Variants in CTNNA2 observed in about 807,000 individuals in gnomAD.
The protein encoded by CTNNA2 is catenin alpha 2, also known as catenin alpha-2.
In CTNNA2, 42 loss-of-function variants were observed where a neutral mutation model predicts 101.0. The ratio of observed to expected loss-of-function variants is 0.42; its 90% CI spans 0.32 to 0.54. CTNNA2 has a LOEUF of 0.54. Among genes scored for constraint, CTNNA2 ranks in the 20% least tolerant of loss-of-function variants. CTNNA2 has a pLI of 0.14. For synonymous variants in CTNNA2, 450 were observed against 456.4 expected (o/e 0.99, Z 0.18); for missense variants, 871 against 1,223.1 (o/e 0.71, Z 4.29).
intron 2 of CTNNA2, among the ~76,000 whole-genome samples, chr2:79,307,990 A>G (rs747031349): frequency 1.2e-4 from 18 of 151,886 alleles, no homozygotes; most frequent in Non-Finnish European, 2.4e-4. Flanking sequence ...TTTTTGATAT[A>G]TTTATTGGCC....
At chr2:79,908,036 G>A (rs907027572) in intron 6 of CTNNA2, among the ~76,000 whole-genome samples, 3 of 152,076 alleles carry the variant, frequency 2.0e-5, no homozygotes, top group African/African-American at 7.2e-5. Flanking sequence ...AAACACCCTA[G>A]GATGCTTTGG....
At chr2:79,787,430 G>A (rs1049865651) in intron 3 of CTNNA2, among the ~76,000 whole-genome samples, 1 of 151,992 alleles carries the variant, frequency 6.6e-6, no homozygotes, top group Non-Finnish European at 1.5e-5. Context: ...AGGGTTGTTT[G>A]TGTTGTTCAT....
At chr2:80,519,314 C>T (rs935518732) in intron 9 of CTNNA2, among the ~76,000 whole-genome samples, 2 of 152,098 alleles carry the variant, frequency 1.3e-5, no homozygotes, top group African/African-American at 4.8e-5. Context: ...AACAATAAAA[C>T]ACAGAAACGC....
intron 7 of CTNNA2, among the ~76,000 whole-genome samples, chr2:80,229,891 G>C (rs1299884805): frequency 1.3e-5 from 2 of 152,040 alleles, no homozygotes; most frequent in Non-Finnish European, 2.9e-5. Context: ...GCGCTTTAGG[G>C]GTTCTCTATA....
chr2:80,390,109 C>T (rs1677370796), intron 7 of CTNNA2, among the ~76,000 whole-genome samples: 1 of 152,182 alleles, frequency 6.6e-6, no homozygotes, highest in South Asian at 2.1e-4. Flanking sequence ...CCAGAACCAC[C>T]TTGCCTTCTT....
At position 80,589,217 on chromosome 2, in the gene CTNNA2, G is replaced by C. The variant is rs566983764; in HGVS notation, c.2008-87G>C. The C allele has an allele frequency of 1.0e-5, 14 of 1,344,938 alleles. No homozygotes were observed. In the East Asian group the frequency reaches 2.8e-4, roughly 27 times the overall value. 83.3% of individuals were successfully genotyped at this position (1,344,938 alleles called of 1,614,324 possible). On this transcript the variant is annotated intron_variant, in intron 14 of 18. Transcript: ENST00000402739. ...AGCTCATAAGCCTTTGCAGGGTCTG[G>C]CTCTGCCATCCGCAGAAGGCAGAGT...
chr2:79,529,327 A>G (rs1573255564), intron 1 of CTNNA2, among the ~76,000 whole-genome samples: 1 of 152,172 alleles, frequency 6.6e-6, no homozygotes, highest in South Asian at 2.1e-4. Flanking sequence ...ACGTTATCAC[A>G]TGTCTTCTTG....
chr2:79,965,050 A>T (rs1240086694), intron 7 of CTNNA2, among the ~76,000 whole-genome samples: 1 of 152,248 alleles, frequency 6.6e-6, no homozygotes, highest in Non-Finnish European at 1.5e-5. Context: ...CTGTGCTTGA[A>T]TGGCATTTCG....
At chr2:80,534,927 G>A (rs1690869667) in intron 9 of CTNNA2, among the ~76,000 whole-genome samples, 1 of 152,074 alleles carries the variant, frequency 6.6e-6, no homozygotes, top group Admixed American at 6.6e-5. Context: ...ATGACAGCAA[G>A]GAATTAATTT....
chr2:79,690,086 A>T (rs1428665386), intron 2 of CTNNA2, among the ~76,000 whole-genome samples: 1 of 152,064 alleles, frequency 6.6e-6, no homozygotes, highest in East Asian at 1.9e-4. Context: ...CCATTAAGCC[A>T]CAGATTTAAG....
chr2:79,594,330 C>G (rs1677056321), intron 1 of CTNNA2, among the ~76,000 whole-genome samples: 1 of 152,168 alleles, frequency 6.6e-6, no homozygotes, highest in South Asian at 2.1e-4. Flanking sequence ...AGAAGACACT[C>G]ACCATCCAGA....
intron 12 of CTNNA2, among the ~76,000 whole-genome samples, chr2:80,566,444 A>T (rs1313676973): frequency 6.6e-6 from 1 of 152,190 alleles, no homozygotes; most frequent in Non-Finnish European, 1.5e-5. Context: ...ACATATTTGC[A>T]AATACATGAG....
chr2:79,194,465 C>T (rs543081967), intron 1 of CTNNA2, among the ~76,000 whole-genome samples: 1 of 152,314 alleles, frequency 6.6e-6, no homozygotes, highest in South Asian at 2.1e-4. Flanking sequence ...GGGCCTAACC[C>T]AGGCTATTGG....
At chr2:80,560,625 C>T (rs1445634281) in intron 12 of CTNNA2, among the ~76,000 whole-genome samples, 1 of 152,160 alleles carries the variant, frequency 6.6e-6, no homozygotes, top group African/African-American at 2.4e-5. Flanking sequence ...ATTCTCCAGG[C>T]AAAACATATC....
At chr2:80,213,711 C>T (rs1418872775) in intron 7 of CTNNA2, among the ~76,000 whole-genome samples, 1 of 152,154 alleles carries the variant, frequency 6.6e-6, no homozygotes, top group East Asian at 1.9e-4. Context: ...GTGGAGAGTT[C>T]TATAGATGTC....
intron 9 of CTNNA2, among the ~76,000 whole-genome samples, chr2:80,515,316 CA>C (rs1258423359): frequency 6.6e-6 from 1 of 152,042 alleles, no homozygotes; most frequent in African/African-American, 2.4e-5. Context: ...TTCTGTGTCT[CA>C]GGGCTTCCCA....
At chr2:79,868,028 G>A (rs1200432474) in intron 4 of CTNNA2, among the ~76,000 whole-genome samples, 1 of 152,110 alleles carries the variant, frequency 6.6e-6, no homozygotes, top group African/African-American at 2.4e-5. Context: ...CTATAACAAT[G>A]TTTTAAAAGT....
chr2:79,905,548 T>G (rs1434264417), intron 6 of CTNNA2, among the ~76,000 whole-genome samples: 1 of 152,206 alleles, frequency 6.6e-6, no homozygotes, highest in Non-Finnish European at 1.5e-5. Context: ...TTGGTGTTGG[T>G]GTGCTGCCCT....
At chr2:79,466,928 A>C (rs929807969) in intron 4 of CTNNA2, among the ~76,000 whole-genome samples, 2 of 152,236 alleles carry the variant, frequency 1.3e-5, no homozygotes, top group African/African-American at 4.8e-5. Flanking sequence ...AGATGGGGAA[A>C]AAACAGAGCA....
Sources: gnomAD v4.1 joint callset for allele counts (sites outside exome capture counted in the v4.1 genomes callset) on GRCh38, gnomAD v4.1.1 for gene constraint, MANE v1.5 for transcripts, NCBI Gene and HGNC (gene_info 2026-07-23, HGNC 2026-07-21) for gene names.